Variants in CACNA2D3 observed in about 807,000 individuals in gnomAD.
The protein encoded by CACNA2D3 is calcium voltage-gated channel auxiliary subunit alpha2delta 3.
CACNA2D3 carries 60 observed loss-of-function variants against 160.6 expected under a neutral mutation model. The observed-to-expected ratio is 0.37, with a 90% confidence interval of 0.30 to 0.46. The LOEUF (loss-of-function observed/expected upper bound fraction) is 0.46, where lower values mean the gene tolerates loss of function less well. Among genes scored for constraint, CACNA2D3 ranks in the 20% least tolerant of loss-of-function variants. The pLI is 1.00. For missense variants in CACNA2D3, 1,205 were observed against 1,365.0 expected (o/e 0.88, Z 1.85); for synonymous variants, 558 against 492.9 (o/e 1.13, Z -1.75).
At chr3:54,167,615 G>C (rs759147117) in intron 2 of CACNA2D3, among the ~76,000 whole-genome samples, 1 of 152,188 alleles carries the variant, frequency 6.6e-6, no homozygotes, top group Admixed American at 6.5e-5. Flanking sequence ...CAGAGAGTGT[G>C]GGAGGAGGGG....
chr3:55,072,227 A>G (rs1406970360), intron 35 of CACNA2D3, among the ~76,000 whole-genome samples: 2 of 152,240 alleles, frequency 1.3e-5, no homozygotes, highest in Non-Finnish European at 2.9e-5. Flanking sequence ...ATCTTTGCAC[A>G]GTGGCAAGCC....
At chr3:54,861,647 T>G (rs1699293646) in intron 17 of CACNA2D3, among the ~76,000 whole-genome samples, 1 of 152,192 alleles carries the variant, frequency 6.6e-6, no homozygotes, top group Non-Finnish European at 1.5e-5. Context: ...GATGCCTGCT[T>G]GTTATCAAGG....
At chr3:54,725,795 C>T (rs9855793) in intron 11 of CACNA2D3, among the ~76,000 whole-genome samples, 9,805 of 152,210 alleles carry the variant, frequency 0.064, 1,009 homozygotes, top group African/African-American at 0.22. Context: ...GACAGACCCA[C>T]GTCCAATATC....
At chr3:54,551,583 A>T (rs1161833836) in intron 5 of CACNA2D3, among the ~76,000 whole-genome samples, 1 of 152,080 alleles carries the variant, frequency 6.6e-6, no homozygotes, top group African/African-American at 2.4e-5. Context: ...GGGAAAGTGG[A>T]TTTGTTTCCA....
Position 54,636,368 on chromosome 3 carries a change from G to A in CACNA2D3, c.1054-5760G>A, listed in dbSNP as rs1024746649. Among the ~76,000 whole-genome samples the A allele has an allele frequency of 8.7e-4, 133 of 152,044 alleles. 2 individuals are homozygous for A. Among genetic ancestry groups the A allele is most frequent in the Non-Finnish European group, 2.2e-4 (15 of 68,028 alleles). ...GGTATCAAGAATAATGTGGGAGGCC[G>A]GATTGAAGTCCGGGCCAGGAACAAT... On this transcript the variant is annotated intron_variant, in intron 10 of 37. Coordinates refer to ENST00000474759, the MANE Select transcript of CACNA2D3 (RefSeq NM_018398.3).
chr3:55,068,460 C>T (rs569237679), intron 35 of CACNA2D3, among the ~76,000 whole-genome samples: 2 of 152,126 alleles, frequency 1.3e-5, no homozygotes, highest in African/African-American at 4.8e-5. Flanking sequence ...AGTCCATTTA[C>T]TCTAGTCTAA....
At chr3:54,191,588 G>GGTGATACA (rs1700985411) in intron 2 of CACNA2D3, among the ~76,000 whole-genome samples, 1 of 152,024 alleles carries the variant, frequency 6.6e-6, no homozygotes, top group African/African-American at 2.4e-5. Context: ...CAAGGAAATC[G>GGTGATACA]GTGATACAGT....
At chr3:54,731,655 T>G (rs1701388947) in intron 11 of CACNA2D3, among the ~76,000 whole-genome samples, 1 of 152,080 alleles carries the variant, frequency 6.6e-6, no homozygotes, top group East Asian at 1.9e-4. Flanking sequence ...ATTCTGTCTT[T>G]ACTGGGGCAG....
At chr3:54,852,286 G>A (rs1432405149) in intron 17 of CACNA2D3, among the ~76,000 whole-genome samples, 1 of 152,204 alleles carries the variant, frequency 6.6e-6, no homozygotes, top group Non-Finnish European at 1.5e-5. Flanking sequence ...TAGCCATGTA[G>A]GTTCACCCCT....
intron 13 of CACNA2D3, among the ~76,000 whole-genome samples, chr3:54,767,501 G>T (rs1036462659): frequency 2.0e-5 from 3 of 152,058 alleles, no homozygotes; most frequent in Non-Finnish European, 4.4e-5. Flanking sequence ...GATTAGACTT[G>T]ATTGGAAAAT....
intron 2 of CACNA2D3, among the ~76,000 whole-genome samples, chr3:54,156,374 C>T (rs1700244182): frequency 6.6e-6 from 1 of 152,180 alleles, no homozygotes; most frequent in Non-Finnish European, 1.5e-5. Context: ...GGCCTTCATA[C>T]ACTAATGCCG....
intron 2 of CACNA2D3, among the ~76,000 whole-genome samples, chr3:54,299,857 T>A (rs894959259): frequency 2.0e-5 from 3 of 152,222 alleles, no homozygotes; most frequent in African/African-American, 7.2e-5. Flanking sequence ...TATTTGGTAA[T>A]TGAAACCTGT....
At chr3:54,873,300 G>A (rs1423705339) in intron 18 of CACNA2D3, among the ~76,000 whole-genome samples, 2 of 152,096 alleles carry the variant, frequency 1.3e-5, no homozygotes, top group Non-Finnish European at 2.9e-5. Flanking sequence ...ATGAATGAAT[G>A]TCCTGTGGAT....
At chr3:54,622,582 G>GT (rs1699012506) in intron 9 of CACNA2D3, among the ~76,000 whole-genome samples, 2 of 28,954 alleles carry the variant, frequency 6.9e-5, no homozygotes, top group East Asian at 7.3e-4. Flanking sequence ...GCCAGTTTTT[G>GT]GTTTTTTTTT....
intron 10 of CACNA2D3, among the ~76,000 whole-genome samples, chr3:54,630,829 G>T (rs1395840747): frequency 4.6e-5 from 7 of 152,106 alleles, no homozygotes; most frequent in Admixed American, 3.3e-4. Context: ...AATACCTCTG[G>T]AGTCTGGTCA....
At chr3:54,461,514 C>G (rs373636774) in intron 4 of CACNA2D3, among the ~76,000 whole-genome samples, 1 of 150,636 alleles carries the variant, frequency 6.6e-6, no homozygotes, top group South Asian at 2.1e-4. Flanking sequence ...GGAGGGTGTA[C>G]GTGTCGAGGA....
chr3:54,257,393 T>C (rs970580624), intron 2 of CACNA2D3, among the ~76,000 whole-genome samples: 1 of 152,198 alleles, frequency 6.6e-6, no homozygotes, highest in Admixed American at 6.5e-5. Flanking sequence ...CATTCTTCTT[T>C]TGAGAGAGTA....
intron 3 of CACNA2D3, among the ~76,000 whole-genome samples, chr3:54,330,536 T>C (rs763252129): frequency 2.0e-5 from 3 of 152,158 alleles, no homozygotes; most frequent in Non-Finnish European, 2.9e-5. Context: ...CTAACCCAGG[T>C]TGTGGCCCTG....
At chr3:54,818,032 A>AT (rs1175026612) in intron 14 of CACNA2D3, among the ~76,000 whole-genome samples, 7 of 135,414 alleles carry the variant, frequency 5.2e-5, no homozygotes, top group Non-Finnish European at 1.2e-4. Flanking sequence ...CTACATTTGA[A>AT]TTTTTTTGAT....
Sources: allele counts gnomAD v4.1 joint callset (sites outside exome capture counted in the v4.1 genomes callset), GRCh38; gene constraint gnomAD v4.1.1; transcripts MANE v1.5; gene names NCBI Gene and HGNC (gene_info 2026-07-23, HGNC 2026-07-21).